The following TNIK variants were observed in gnomAD, a reference collection of about 807,000 sequenced individuals.
TNIK encodes TRAF2 and NCK-interacting protein kinase.
Under a neutral mutation model 191.3 loss-of-function variants are expected in TNIK, and 49 were observed. That is an observed-to-expected ratio of 0.26 (90% confidence interval 0.20 to 0.32). TNIK has a LOEUF of 0.32. TNIK is among the 10% of genes least tolerant of loss of function. The pLI is 1.00. For missense variants in TNIK, 1,155 were observed against 1,702.3 expected, an observed-to-expected ratio of 0.68 and a Z score of 5.66; for synonymous variants, 594 against 600.9, an observed-to-expected ratio of 0.99 and a Z score of 0.17.
intron 22 of TNIK, among the ~76,000 whole-genome samples, chr3:171,094,993 C>A (rs1212209847): frequency 6.6e-6 from 1 of 152,124 alleles, no homozygotes; most frequent in East Asian, 1.9e-4. Context: ...GGGCTTTATG[C>A]TTCTATAAAG....
chr3:171,096,162 A>G (rs1435682808), intron 22 of TNIK, among the ~76,000 whole-genome samples: 2 of 152,156 alleles, frequency 1.3e-5, no homozygotes, highest in Admixed American at 6.5e-5. Flanking sequence ...TGCTATTGTC[A>G]GGGGCTCAGT....
chr3:171,262,278 CCATCA>C (rs1368324330), intron 2 of TNIK, among the ~76,000 whole-genome samples: 1 of 152,104 alleles, frequency 6.6e-6, no homozygotes, highest in African/African-American at 2.4e-5. Context: ...TGTACCCCTC[CCATCA>C]CATCACACCC....
At chr3:171,407,404 C>T (rs555452430) in intron 1 of TNIK, among the ~76,000 whole-genome samples, 1 of 152,266 alleles carries the variant, frequency 6.6e-6, no homozygotes, top group East Asian at 1.9e-4. Context: ...ATAGAAATTG[C>T]CTTGTTGCTT....
At chr3:171,335,652 T>A (rs1354807081) in intron 2 of TNIK, among the ~76,000 whole-genome samples, 2 of 152,236 alleles carry the variant, frequency 1.3e-5, no homozygotes, top group Non-Finnish European at 2.9e-5. Flanking sequence ...GTGGCAAGAT[T>A]TGTTTTTCCA....
intron 22 of TNIK, among the ~76,000 whole-genome samples, chr3:171,100,782 A>G (rs1264891285): frequency 6.6e-6 from 1 of 151,952 alleles, no homozygotes; most frequent in Non-Finnish European, 1.5e-5. Context: ...TACAATTACT[A>G]AAGAAAATGT....
intron 2 of TNIK, among the ~76,000 whole-genome samples, chr3:171,291,330 T>G (rs933922961): frequency 4.6e-5 from 7 of 152,224 alleles, no homozygotes; most frequent in African/African-American, 1.7e-4. Flanking sequence ...ATTTCTGATG[T>G]TCTACATTAC....
intron 2 of TNIK, among the ~76,000 whole-genome samples, chr3:171,287,761 T>C (rs1246196285): frequency 1.3e-5 from 2 of 152,210 alleles, no homozygotes; most frequent in African/African-American, 4.8e-5. Context: ...TTCCTTTACA[T>C]TTATTTGATA....
Position 171,061,062 on chromosome 3 carries a change from G to A in TNIK, c.*2819C>T, listed in dbSNP as rs1003302112. Among the ~76,000 whole-genome samples the A allele has an allele frequency of 3.3e-5, 5 of 151,938 alleles. No homozygotes were observed. Among genetic ancestry groups the A allele is most frequent in the African/African-American group, 1.2e-4 (5 of 41,360 alleles). On this transcript the variant is annotated 3_prime_UTR_variant, in exon 33 of 33. Coordinates refer to ENST00000436636, the MANE Select transcript of TNIK (RefSeq NM_015028.4). Reference sequence around the variant, plus strand: ...CTATAAAAATGGATGAAAAGCAACCGTTCCTCCCCTACCCCCAAAAAGAAT... The same window carrying A: ...CTATAAAAATGGATGAAAAGCAACCATTCCTCCCCTACCCCCAAAAAGAAT...
At position 171,084,252 on chromosome 3, in the gene TNIK, A is replaced by G; in HGVS notation, c.3072T>C (p.Asn1024=). 1.2e-6 allele frequency: 2 copies of G among 1,613,594 alleles called. No homozygotes were observed. The highest frequency in any genetic ancestry group is 1.7e-6 in the Non-Finnish European group (2 of 1,179,786). The change falls in exon 26 of 33, where the codon AAT becomes AAC. Residue 1024 remains asparagine (N), a synonymous_variant. Transcript: ENST00000436636. Reference sequence around the variant, plus strand: ...GAGGCCGAATGTTGGTTGGGTTTACATTTACCACCGAAATCTTTCTTGCTT... The same window carrying G: ...GAGGCCGAATGTTGGTTGGGTTTACGTTTACCACCGAAATCTTTCTTGCTT... The part of the protein sequence containing the change: ...LNEARKISVV[N]VNPTNIRPHS...
chr3:171,380,339 A>C (rs914933444), intron 1 of TNIK, among the ~76,000 whole-genome samples: 1 of 152,226 alleles, frequency 6.6e-6, no homozygotes, highest in African/African-American at 2.4e-5. Flanking sequence ...TAGATGAAGA[A>C]AAAGATAGCA....
intron 12 of TNIK, among the ~76,000 whole-genome samples, chr3:171,155,989 G>T (rs745479218): frequency 9.2e-5 from 14 of 152,128 alleles, no homozygotes; most frequent in Non-Finnish European, 1.8e-4. Flanking sequence ...TTATTGTGAG[G>T]ATTAAATGAG....
chr3:171,290,935 G>A (rs1397729822), intron 2 of TNIK, among the ~76,000 whole-genome samples: 2 of 152,156 alleles, frequency 1.3e-5, no homozygotes. Context: ...AACGATCTTA[G>A]TATGTTAGTT....
chr3:171,141,452 T>G (rs1447164536), intron 12 of TNIK, among the ~76,000 whole-genome samples: 1 of 152,192 alleles, frequency 6.6e-6, no homozygotes, highest in Non-Finnish European at 1.5e-5. Flanking sequence ...TGGCTCTTCA[T>G]TATACTCTCA....
intron 12 of TNIK, among the ~76,000 whole-genome samples, chr3:171,151,980 TAAGAG>T (rs1732493846): frequency 6.6e-6 from 1 of 152,126 alleles, no homozygotes; most frequent in Admixed American, 6.5e-5. Flanking sequence ...TTGGTTACCC[TAAGAG>T]AAGAGTGAAT....
intron 1 of TNIK, among the ~76,000 whole-genome samples, chr3:171,378,360 T>C (rs78342692): frequency 0.021 from 3,213 of 152,266 alleles, 132 homozygotes; most frequent in African/African-American, 0.074. Context: ...GGCATGTTAT[T>C]TAATCTTTCT....
chr3:171,202,245 G>A (rs749669236), intron 4 of TNIK, among the ~76,000 whole-genome samples: 3 of 151,820 alleles, frequency 2.0e-5, no homozygotes, highest in Admixed American at 2.0e-4. Flanking sequence ...GTCACTACAT[G>A]TCAATTTTGT....
At chr3:171,094,983 G>A (rs1722530369) in intron 22 of TNIK, among the ~76,000 whole-genome samples, 1 of 152,126 alleles carries the variant, frequency 6.6e-6, no homozygotes. Context: ...TTAGATCCAT[G>A]GGCTTTATGC....
At chr3:171,133,117 C>T (rs1205610820) in intron 15 of TNIK, among the ~76,000 whole-genome samples, 7 of 152,158 alleles carry the variant, frequency 4.6e-5, no homozygotes, top group South Asian at 4.1e-4. Context: ...CCTCTGAGAA[C>T]GGGGGAGACT....
intron 18 of TNIK, among the ~76,000 whole-genome samples, chr3:171,120,103 T>C (rs1183794114): frequency 6.6e-6 from 1 of 152,180 alleles, no homozygotes; most frequent in Non-Finnish European, 1.5e-5. Context: ...TACCGTTGCA[T>C]ACTGATCATT....
Sources: allele counts gnomAD v4.1 joint callset (sites outside exome capture counted in the v4.1 genomes callset), GRCh38; gene constraint gnomAD v4.1.1; transcripts MANE v1.5; gene names NCBI Gene and HGNC (gene_info 2026-07-23, HGNC 2026-07-21).